The following PCSK6 variants were observed in gnomAD, a reference collection of about 807,000 sequenced individuals.
PCSK6 encodes the protein paired basic amino acid cleaving enzyme 4.
A neutral mutation model predicts 123.3 loss-of-function variants in PCSK6; 85 were observed. The ratio of observed to expected loss-of-function variants is 0.69; its 90% CI spans 0.58 to 0.83. PCSK6 has a LOEUF of 0.83. Ranked by LOEUF, PCSK6 falls within the 40% of genes least tolerant of loss-of-function variation. The pLI is 0.00. For missense variants in PCSK6, 1,191 were observed against 1,282.3 expected (o/e 0.93, Z 1.09); for synonymous variants, 508 against 516.0 (o/e 0.98, Z 0.21).
chr15:101,371,054 A>C (rs138315459), intron 11 of PCSK6, among the ~76,000 whole-genome samples: 1 of 152,164 alleles, frequency 6.6e-6, no homozygotes, highest in African/African-American at 2.4e-5. Flanking sequence ...TAAAAATACA[A>C]AAATTAGCTG....
chr15:101,460,457 T>C (rs1442765646), intron 1 of PCSK6, among the ~76,000 whole-genome samples: 1 of 152,178 alleles, frequency 6.6e-6, no homozygotes, highest in African/African-American at 2.4e-5. Flanking sequence ...AGCTCCCTGA[T>C]TCCAGGGGCC....
intron 13 of PCSK6, among the ~76,000 whole-genome samples, chr15:101,337,610 CTCTT>C (rs1477038632): frequency 1.3e-5 from 2 of 152,152 alleles, no homozygotes; most frequent in Admixed American, 6.5e-5. Context: ...ACCCTGTTTT[CTCTT>C]TCTTTTTCCA....
chr15:101,365,441 C>G (rs1460295085), intron 13 of PCSK6, among the ~76,000 whole-genome samples: 8 of 152,176 alleles, frequency 5.3e-5, no homozygotes, highest in Admixed American at 5.2e-4. Flanking sequence ...AGCTGGACCT[C>G]TCATATATTG....
chr15:101,410,822 A>C (rs919621530), intron 6 of PCSK6, among the ~76,000 whole-genome samples: 2 of 152,164 alleles, frequency 1.3e-5, no homozygotes, highest in Non-Finnish European at 2.9e-5. Flanking sequence ...AGATGTGGCA[A>C]TTCATCTCTC....
chr15:101,384,762 A>T (rs2042011654), intron 9 of PCSK6, among the ~76,000 whole-genome samples: 2 of 152,206 alleles, frequency 1.3e-5, no homozygotes, highest in African/African-American at 4.8e-5. Context: ...ATGTTTATTA[A>T]ATACTTGGGG....
intron 7 of PCSK6, among the ~76,000 whole-genome samples, chr15:101,397,936 C>A (rs2042463247): frequency 6.6e-6 from 1 of 152,226 alleles, no homozygotes; most frequent in Non-Finnish European, 1.5e-5. Context: ...GTGGGGGACA[C>A]CCCGACCACT....
chr15:101,321,358 CT>C (rs2040117984), intron 18 of PCSK6, among the ~76,000 whole-genome samples: 1 of 152,200 alleles, frequency 6.6e-6, no homozygotes, highest in African/African-American at 2.4e-5. Flanking sequence ...CTCCTAGCTG[CT>C]TGGGGTCCTC....
Position 101,305,390 on chromosome 15 carries a change from A to G in PCSK6, c.2813-35T>C, listed in dbSNP as rs769559615. 4 of 1,567,926 alleles carry G rather than the reference A, an allele frequency of 2.6e-6. No individual in the cohort carries two copies. The Admixed American group carries it at 5.1e-5, about 20-fold the overall frequency. On this transcript the variant is annotated intron_variant, in intron 21 of 21. Transcript: ENST00000611716. This position sits in a 1 kb window ranked among gnomAD's most constrained non-coding sequence, Gnocchi z 4.8. ...CGCATCAGGAAAGGCAAAAGAGGGAAAGGTCAGTCTTCGGTGCCTGTGAAG... is the reference window on the plus strand; with the variant it reads ...CGCATCAGGAAAGGCAAAAGAGGGAGAGGTCAGTCTTCGGTGCCTGTGAAG...
intron 19 of PCSK6, among the ~76,000 whole-genome samples, chr15:101,315,218 A>T (rs1389908402): frequency 6.6e-6 from 1 of 152,216 alleles, no homozygotes; most frequent in Non-Finnish European, 1.5e-5. Context: ...CACAAATGTA[A>T]ATTCACTTAA....
At chr15:101,441,341 T>A (rs1412508710) in intron 2 of PCSK6, among the ~76,000 whole-genome samples, 1 of 151,726 alleles carries the variant, frequency 6.6e-6, no homozygotes, top group South Asian at 2.1e-4. Flanking sequence ...AGGTCCAGGG[T>A]ATGGTGGCCC....
intron 6 of PCSK6, among the ~76,000 whole-genome samples, chr15:101,405,469 G>C (rs910760499): frequency 6.6e-6 from 1 of 152,182 alleles, no homozygotes; most frequent in Non-Finnish European, 1.5e-5. Context: ...TGGTGCCTTT[G>C]TGTTTGAGGG....
intron 6 of PCSK6, among the ~76,000 whole-genome samples, chr15:101,412,713 A>ATATATATATATATATATAT (rs201205244): frequency 1.6e-4 from 18 of 112,656 alleles, no homozygotes; most frequent in Middle Eastern, 4.3e-3. Flanking sequence ...ATATATATAT[A>ATATATATATATATATATAT]AAATTACCCA....
At chr15:101,353,765 C>CT (rs2040962884) in intron 13 of PCSK6, among the ~76,000 whole-genome samples, 1 of 152,170 alleles carries the variant, frequency 6.6e-6, no homozygotes. Context: ...CTTGGAGAGG[C>CT]GTGGAGACCT....
chr15:101,368,060 C>T (rs1347133382), intron 12 of PCSK6, among the ~76,000 whole-genome samples: 1 of 152,236 alleles, frequency 6.6e-6, no homozygotes, highest in African/African-American at 2.4e-5. Context: ...AGGTGATCCA[C>T]CCACCTTGGC....
intron 10 of PCSK6, chr15:101,384,105 AC>A (rs1310601494): frequency 1.0e-6 from 1 of 982,294 alleles, no homozygotes; most frequent in Non-Finnish European, 1.2e-6. Context: ...AGTATAGGAG[AC>A]CCCAGACTCT....
chr15:101,437,526 C>T (rs2056636197), intron 2 of PCSK6, among the ~76,000 whole-genome samples: 1 of 152,150 alleles, frequency 6.6e-6, no homozygotes, highest in South Asian at 2.1e-4. Flanking sequence ...CAGCTCCCTC[C>T]CCACTGCCTC....
chr15:101,324,559 G>A (rs1229100855), intron 17 of PCSK6, among the ~76,000 whole-genome samples: 1 of 152,244 alleles, frequency 6.6e-6, no homozygotes, highest in Admixed American at 6.5e-5. Flanking sequence ...CCCTTGCTCA[G>A]TAGTGGACGT....
intron 1 of PCSK6, among the ~76,000 whole-genome samples, chr15:101,479,542 G>A (rs541080194): frequency 1.8e-4 from 28 of 152,334 alleles, no homozygotes; most frequent in African/African-American, 6.7e-4. Context: ...GGTGGCAGGG[G>A]AGAAAGACCC....
chr15:101,485,964 T>A (rs2058011429), intron 1 of PCSK6, among the ~76,000 whole-genome samples: 1 of 147,974 alleles, frequency 6.8e-6, no homozygotes, highest in South Asian at 2.2e-4. Flanking sequence ...TAAATTTTTT[T>A]TTTTTTTTTT....
Sources: gnomAD v4.1 joint callset for allele counts (sites outside exome capture counted in the v4.1 genomes callset) on GRCh38, gnomAD v4.1.1 for gene constraint, Gnocchi (gnomAD v3.1) non-coding constraint, MANE v1.5 for transcripts, NCBI Gene and HGNC (gene_info 2026-07-23, HGNC 2026-07-21) for gene names.